PYGB: variants seen among roughly 807,000 people sequenced by gnomAD.
PYGB encodes glycogen phosphorylase B.
Under a neutral mutation model 94.3 loss-of-function variants are expected in PYGB, and 82 were observed. The ratio of observed to expected loss-of-function variants is 0.87; its 90% CI spans 0.73 to 1.04. The LOEUF (loss-of-function observed/expected upper bound fraction) is 1.04, where lower values mean the gene tolerates loss of function less well. Ranked by LOEUF, PYGB falls within the 50% of genes least tolerant of loss-of-function variation. The pLI, the probability that PYGB is intolerant of heterozygous loss-of-function variation, is 0.00. For missense variants in PYGB, 1,132 were observed against 1,158.2 expected (o/e 0.98, Z 0.33); for synonymous variants, 488 against 479.1 (o/e 1.02, Z -0.24).
chr20:25,281,971 C>G, intron 11 of PYGB, 62 bp from the exon 12 acceptor site: 1 of 1,404,624 alleles, frequency 7.1e-7, no homozygotes, highest in Non-Finnish European at 1.0e-6. Flanking sequence ...ACTTTAAGGT[C>G]TGTTGCTCAC....
intron 14 of PYGB, among the ~76,000 whole-genome samples, chr20:25,286,858 AC>A (rs1191729586): frequency 1.3e-5 from 2 of 152,166 alleles, no homozygotes; most frequent in African/African-American, 4.8e-5. Context: ...GCCCACTGTG[AC>A]CTGGGGTTTG....
In PYGB at chr20:25,248,410, C is replaced by T. The variant is rs747744133; in HGVS notation, c.232C>T (p.Arg78Cys). The T allele has an allele frequency of 7.1e-6, 11 of 1,543,324 alleles. No individual in the cohort carries two copies. The highest frequency in any genetic ancestry group is 9.6e-6 in the Non-Finnish European group (11 of 1,144,004). Residue 78 changes from arginine (R) to cysteine (C), a missense_variant, in exon 1 of 20, where the codon CGC becomes TGC. Physicochemically the swap from Arg to Cys is radical, Grantham distance 180. Transcript: ENST00000216962. The part of the protein sequence containing the change: ...WIRTQQHYYE[R>C]DPKRIYYLSL... Reference sequence around the variant, plus strand: ...CCGCACGCAGCAGCACTACTACGAGCGCGACCCCAAGGTGAGGCGCTGCCC... The same window carrying T: ...CCGCACGCAGCAGCACTACTACGAGTGCGACCCCAAGGTGAGGCGCTGCCC...
In PYGB at chr20:25,296,923, C is replaced by T. The variant is rs200767074; in HGVS notation, c.*401C>T. 2 of 178,508 alleles carry T rather than the reference C, an allele frequency of 1.1e-5. No homozygotes were observed. The highest frequency in any genetic ancestry group is 2.4e-5 in the Non-Finnish European group (2 of 84,040). The allele number at this position is 178,508 out of a possible 1,614,324, so 11.1% of individuals were successfully genotyped here. ...GTCTGGGCCAGTGGCCATAGTGAAG[C>T]CTGGGAATGAGTGTTACTGCAGCAT... On this transcript the variant is annotated 3_prime_UTR_variant, in exon 20 of 20. Coordinates refer to ENST00000216962, the MANE Select transcript of PYGB (RefSeq NM_002862.4).
chr20:25,267,074 G>A (rs2088224781), intron 2 of PYGB, among the ~76,000 whole-genome samples: 1 of 152,154 alleles, frequency 6.6e-6, no homozygotes, highest in Admixed American at 6.6e-5. Flanking sequence ...AGCCAAAAGT[G>A]GAAACATCCA....
Position 25,278,483 on chromosome 20 carries a change from G to A in PYGB, c.999+21G>A, listed in dbSNP as rs753347882. ...ACAAGGTGCATGGTGGCCCTGGGAG[G>A]GATCTCAGTGCCAGGGGCTGGGCGC... On this transcript the variant is annotated intron_variant, in intron 8 of 19. Transcript: ENST00000216962. 6 of 1,612,410 alleles carry A rather than the reference G, an allele frequency of 3.7e-6. No individual in the cohort carries two copies. In the East Asian group the frequency reaches 1.1e-4, roughly 30 times the overall value.
intron 15 of PYGB, among the ~76,000 whole-genome samples, chr20:25,289,442 C>T (rs964171989): frequency 6.6e-6 from 1 of 152,120 alleles, no homozygotes; most frequent in Non-Finnish European, 1.5e-5. Flanking sequence ...CCCAGGAGTT[C>T]GAGACCAGCC....
chr20:25,291,131 C>T (rs921867563), intron 16 of PYGB, among the ~76,000 whole-genome samples: 2 of 152,226 alleles, frequency 1.3e-5, no homozygotes, highest in African/African-American at 4.8e-5. Flanking sequence ...CCTCCGCCCA[C>T]ATCCTTGCTC....
chr20:25,255,706 C>T (rs1237808911), intron 1 of PYGB, among the ~76,000 whole-genome samples: 2 of 151,794 alleles, frequency 1.3e-5, no homozygotes, highest in Non-Finnish European at 2.9e-5. Flanking sequence ...GAATGAGGCT[C>T]TTCATCTTGG....
At position 25,278,352 on chromosome 20, in the gene PYGB, G is replaced by T; in HGVS notation, c.889G>T (p.Glu297Ter). ...FEGKELRLKQ[E>*]YFVVAATLQD... is the part of the protein sequence containing the mutation. Reference sequence around the variant, plus strand: ...GGGGAAGGAGCTGCGGCTGAAGCAGGAGTACTTCGTGGTGGCCGCCACGCT... The same window carrying T: ...GGGGAAGGAGCTGCGGCTGAAGCAGTAGTACTTCGTGGTGGCCGCCACGCT... Residue 297 changes from glutamate (E) to a stop codon, truncating the protein, a stop_gained, in exon 8 of 20, where the codon GAG becomes TAG. Coordinates refer to ENST00000216962, the MANE Select transcript of PYGB (RefSeq NM_002862.4). LOFTEE classifies it high-confidence loss of function. The T allele has an allele frequency of 6.2e-7, 1 of 1,611,282 alleles. No individual in the cohort carries two copies. The highest frequency in any genetic ancestry group is 8.5e-7 in the Non-Finnish European group (1 of 1,179,252).
intron 1 of PYGB, among the ~76,000 whole-genome samples, chr20:25,255,736 C>CT (rs777407638): frequency 0.035 from 5,047 of 145,028 alleles, 245 homozygotes; most frequent in African/African-American, 0.11. Flanking sequence ...CCGCCCAACT[C>CT]TTTTTTTTTT....
chr20:25,282,632 AAG>A (rs932545102), intron 12 of PYGB, among the ~76,000 whole-genome samples: 28 of 152,192 alleles, frequency 1.8e-4, no homozygotes, highest in Admixed American at 1.7e-3. Context: ...AGAGGGAATG[AAG>A]AGAGAGTGAG....
At chr20:25,255,381 AG>A (rs1345391496) in intron 1 of PYGB, among the ~76,000 whole-genome samples, 1 of 152,156 alleles carries the variant, frequency 6.6e-6, no homozygotes, top group Non-Finnish European at 1.5e-5. Context: ...CAGCCCAGGG[AG>A]GTGGCCCCTT....
intron 17 of PYGB, chr20:25,293,795 C>T (rs2088497881): frequency 9.7e-6 from 3 of 308,438 alleles, no homozygotes; most frequent in African/African-American, 2.2e-5. Context: ...CCCCTCCGGC[C>T]GTCTGTTTTT....
chr20:25,272,621 G>A (rs990939489), intron 4 of PYGB, among the ~76,000 whole-genome samples: 2 of 152,214 alleles, frequency 1.3e-5, no homozygotes, highest in Admixed American at 6.5e-5. Flanking sequence ...TAAAATGTTG[G>A]TAAAGAAAAG....
intron 13 of PYGB, among the ~76,000 whole-genome samples, chr20:25,283,560 A>G (rs910996): frequency 0.44 from 67,098 of 152,154 alleles, 15,499 homozygotes; most frequent in East Asian, 0.92. Context: ...CCTCTGCCAC[A>G]GGTCAGTTCT....
intron 1 of PYGB, among the ~76,000 whole-genome samples, chr20:25,250,088 A>C (rs995239966): frequency 6.6e-6 from 1 of 152,092 alleles, no homozygotes; most frequent in East Asian, 1.9e-4. Flanking sequence ...TGACCTCGTG[A>C]TCCGCCCGCC....
chr20:25,251,504 T>C (rs2092888022), intron 1 of PYGB, among the ~76,000 whole-genome samples: 2 of 152,204 alleles, frequency 1.3e-5, no homozygotes, highest in Admixed American at 1.3e-4. Context: ...AGAGAGAATT[T>C]GAGGATGCTT....
chr20:25,252,436 C>A (rs6107018), intron 1 of PYGB, among the ~76,000 whole-genome samples: 2 of 152,170 alleles, frequency 1.3e-5, no homozygotes, highest in South Asian at 4.1e-4. Context: ...TGCTGTCTAC[C>A]TAGATGTAGC....
At chr20:25,279,014 G>A (rs1050734751) in intron 8 of PYGB, 43 bp from the exon 9 acceptor site, 5 of 1,574,052 alleles carry the variant, frequency 3.2e-6, no homozygotes, top group Admixed American at 1.7e-5. Flanking sequence ...GGGTGCCCAC[G>A]TGGGATGAAA....
Sources: allele counts gnomAD v4.1 joint callset (sites outside exome capture counted in the v4.1 genomes callset), GRCh38; gene constraint gnomAD v4.1.1; transcripts MANE v1.5; gene names NCBI Gene and HGNC (gene_info 2026-07-23, HGNC 2026-07-21).